Variants in EPB42 observed in about 807,000 individuals in gnomAD.
The protein encoded by EPB42 is erythrocyte membrane protein band 4.2.
EPB42 carries 49 observed loss-of-function variants against 76.9 expected under a neutral mutation model. The ratio of observed to expected loss-of-function variants is 0.64; its 90% confidence interval spans 0.51 to 0.81. The LOEUF (loss-of-function observed/expected upper bound fraction) is 0.81. Ranked by LOEUF, EPB42 falls within the 30% of genes least tolerant of loss-of-function variation. The probability of loss-of-function intolerance (pLI) is 0.00; values close to 1 mark genes in which losing one functional copy is unlikely to be tolerated. For synonymous variants in EPB42, 310 were observed against 338.4 expected, an observed-to-expected ratio of 0.92 and a Z score of 0.92; for missense variants, 731 against 867.6, an observed-to-expected ratio of 0.84 and a Z score of 1.98.
At chr15:43,204,433 T>C (rs1156289234) in intron 10 of EPB42, among the ~76,000 whole-genome samples, 2 of 152,290 alleles carry the variant, frequency 1.3e-5, no homozygotes, top group African/African-American at 2.4e-5. Flanking sequence ...TTGGCCCCCC[T>C]GTGCTGGGAT....
intron 3 of EPB42, 107 bp from the exon 4 acceptor site, chr15:43,211,641 C>T: frequency 1.2e-6 from 1 of 808,316 alleles, no homozygotes; most frequent in East Asian, 2.4e-5. Flanking sequence ...GCAGGCCACC[C>T]CGTCAGCTCT....
At chr15:43,223,518 T>C (rs1158900630), upstream of EPB42, among the ~76,000 whole-genome samples, 2 of 152,172 alleles carry the variant, frequency 1.3e-5, no homozygotes, top group African/African-American at 4.8e-5. Context: ...CATGGAAAGA[T>C]GTTCAGCCTC....
At chr15:43,199,601 T>C (rs1385606093) in intron 12 of EPB42, among the ~76,000 whole-genome samples, 1 of 152,154 alleles carries the variant, frequency 6.6e-6, no homozygotes, top group African/African-American at 2.4e-5. Context: ...AATGCTGAAA[T>C]GAGTTAAGAC....
chr15:43,197,667 G>C (rs1453453697), intron 12 of EPB42, among the ~76,000 whole-genome samples: 1 of 152,234 alleles, frequency 6.6e-6, no homozygotes, highest in Admixed American at 6.5e-5. Context: ...GTTGAGAAGA[G>C]GTACATCCTA....
intron 5 of EPB42, 73 bp downstream of exon 5, chr15:43,210,262 G>C: frequency 7.4e-7 from 1 of 1,347,562 alleles, no homozygotes; most frequent in Non-Finnish European, 1.1e-6. Context: ...TGAGGCCACG[G>C]TGGTGGGGCA....
intron 1 of EPB42, 107 bp from the exon 2 acceptor site, chr15:43,216,560 C>CT: frequency 2.3e-6 from 3 of 1,287,052 alleles, no homozygotes; most frequent in Non-Finnish European, 3.3e-6. Flanking sequence ...CTCGGCTCCA[C>CT]TTACGTTTTA....
chr15:43,209,413 C>A lies in EPB42; in HGVS notation c.693G>T (p.Pro231=), dbSNP rs113737654. 4 of 1,613,172 alleles carry A rather than the reference C, an allele frequency of 2.5e-6. No homozygotes were observed. The highest frequency in any genetic ancestry group is 8.5e-7 in the Non-Finnish European group (1 of 1,179,606). The change falls in exon 6 of 13, where the codon CCG becomes CCT. Residue 231 remains proline, a synonymous_variant. Transcript: ENST00000441366. ...CCCCTTCCTGGGTGGCCTGGGTCTG[C>A]GGGGTGGGCAGGACCCTCTGCTCCT... ...FLKEQRVLPT[P]QTQATQEGAL... is the part of the protein sequence containing the mutation.
At chr15:43,197,562 A>C (rs2042061566) in intron 12 of EPB42, 98 bp from the exon 13 acceptor site, 2 of 1,395,336 alleles carry the variant, frequency 1.4e-6, no homozygotes, top group East Asian at 4.6e-5. Context: ...GAGGTGGACC[A>C]TGCAGAAATA....
At chr15:43,213,907 G>T (rs2042337373) in intron 3 of EPB42, among the ~76,000 whole-genome samples, 1 of 152,216 alleles carries the variant, frequency 6.6e-6, no homozygotes, top group Admixed American at 6.5e-5. Flanking sequence ...AACCCACTGG[G>T]ATTTAGGTAC....
chr15:43,209,531 C>T, intron 5 of EPB42, 80 bp from the exon 6 acceptor site: 1 of 1,438,294 alleles, frequency 7.0e-7, no homozygotes, highest in Admixed American at 1.9e-5. Flanking sequence ...GAGGGCTCAT[C>T]ACAGTACTCC....
At chr15:43,213,557 A>G (rs2042332258) in intron 3 of EPB42, among the ~76,000 whole-genome samples, 1 of 152,186 alleles carries the variant, frequency 6.6e-6, no homozygotes, top group Non-Finnish European at 1.5e-5. Context: ...CCCTGAGCCA[A>G]GCACTGTCCT....
At chr15:43,208,103 T>C in intron 8 of EPB42, 127 bp downstream of exon 8, 1 of 782,642 alleles carries the variant, frequency 1.3e-6, no homozygotes. Flanking sequence ...GCTGCTGTCA[T>C]GCCTCGTGCT....
At position 43,197,452 on chromosome 15, in the gene EPB42, C is replaced by T. The variant is rs776403533; in HGVS notation, c.1926G>A (p.Val642=). ...TGGCACACATGGTGTTTTCAGGCCACACTGAACGGAATCTGAAATAAAGGA... is the reference window on the plus strand; with the variant it reads ...TGGCACACATGGTGTTTTCAGGCCATACTGAACGGAATCTGAAATAAAGGA... The part of the protein sequence containing the change: ...HRERSYRFRS[V]WPENTMCAKF... The change falls in exon 13 of 13, where the codon GTG becomes GTA. Residue 642 remains valine, a synonymous_variant. Transcript: ENST00000441366. 19 of 1,614,176 alleles carry T rather than the reference C, an allele frequency of 1.2e-5. No individual in the cohort carries two copies. The highest frequency in any genetic ancestry group is 1.5e-5 in the Non-Finnish European group (18 of 1,180,048).
At chr15:43,207,044 C>A (rs1030762961) in intron 9 of EPB42, among the ~76,000 whole-genome samples, 155 bp downstream of exon 9, 2 of 152,114 alleles carry the variant, frequency 1.3e-5, no homozygotes, top group Non-Finnish European at 2.9e-5. Flanking sequence ...ATATCTGGGC[C>A]CAAATGTCAA....
At chr15:43,200,522 A>G (rs1359803517) in intron 12 of EPB42, among the ~76,000 whole-genome samples, 8 of 152,264 alleles carry the variant, frequency 5.3e-5, no homozygotes, top group Non-Finnish European at 1.5e-5. Flanking sequence ...AGTGGGCAAA[A>G]TAAGACAAAC....
At chr15:43,221,845 A>AAAT (rs1407612828), upstream of EPB42, among the ~76,000 whole-genome samples, 5 of 149,792 alleles carry the variant, frequency 3.3e-5, no homozygotes, top group African/African-American at 1.2e-4. Flanking sequence ...AAAAAAAAAA[A>AAAT]TGAAACTTCT....
At chr15:43,203,412 A>G (rs1040143091) in intron 10 of EPB42, 137 bp from the exon 11 acceptor site, 1 of 1,144,294 alleles carries the variant, frequency 8.7e-7, no homozygotes, top group Non-Finnish European at 1.3e-6. Flanking sequence ...GCAATTGTAC[A>G]CTTGGAACTC....
rs1002895836 is a variant in EPB42, at chr15:43,200,817, A to T, written c.1913+1027T>A. 4.5e-4 allele frequency among the ~76,000 whole-genome samples: 64 copies of T among 143,706 alleles called. 2 individuals are homozygous for T. Among genetic ancestry groups the T allele is most frequent in the African/African-American group, 1.5e-3 (58 of 38,818 alleles). The allele number at this position is 143,706 out of a possible 152,430, so 94.3% of individuals were successfully genotyped here. ...GGTATATATCCCCAGACTCCACCAA[A>T]TTTTTTTTTTTTTTTGAGATGGAGT... On this transcript the variant is annotated intron_variant, in intron 12 of 12. Transcript: ENST00000441366.
At chr15:43,209,568 T>G (rs766137401) in intron 5 of EPB42, 117 bp from the exon 6 acceptor site, 277 of 1,146,408 alleles carry the variant, frequency 2.4e-4, no homozygotes, top group Non-Finnish European at 3.3e-4. Context: ...TCCCCAGCAT[T>G]AGAGCCACCT....
Sources: gnomAD v4.1 joint callset for allele counts (sites outside exome capture counted in the v4.1 genomes callset) on GRCh38, gnomAD v4.1.1 for gene constraint, MANE v1.5 for transcripts, NCBI Gene and HGNC (gene_info 2026-07-23, HGNC 2026-07-21) for gene names.